ING1: variants seen among roughly 807,000 people sequenced by gnomAD.
The protein encoded by ING1 is inhibitor of growth family member 1, also known as inhibitor of growth protein 1.
Under a neutral mutation model 23.1 loss-of-function variants are expected in ING1, and 4 were observed. The ratio of observed to expected loss-of-function variants is 0.17; its 90% CI spans 0.09 to 0.40. The LOEUF (loss-of-function observed/expected upper bound fraction) is 0.40. ING1 is among the 10% of genes least tolerant of loss of function. The probability of loss-of-function intolerance (pLI) is 1.00; values close to 1 mark genes in which losing one functional copy is unlikely to be tolerated. For missense variants in ING1, 256 were observed against 393.8 expected (o/e 0.65, Z 2.96); for synonymous variants, 179 against 166.4 (o/e 1.08, Z -0.58).
At chr13:110,715,665 G>A in intron 1 of ING1, 2 of 1,610,072 alleles carry the variant, frequency 1.2e-6, no homozygotes, top group Non-Finnish European at 1.7e-6. Flanking sequence ...GCTGGGGCGG[G>A]CCGTGCTCTT....
rs920050308 is a variant in ING1 at position 110,720,305 on chromosome 13, A to AT, written c.*381dup. The AT allele has an allele frequency of 1.2e-5, 2 of 171,036 alleles. No homozygotes were observed. The highest frequency in any genetic ancestry group is 2.0e-4 in the South Asian group (1 of 4,916). The allele number at this position is 171,036 out of a possible 1,614,324, so 10.6% of individuals were successfully genotyped here. On this transcript the variant is annotated 3_prime_UTR_variant, in exon 2 of 2. Transcript: ENST00000333219. Reference sequence around the variant, plus strand: ...AAGTAATATTATTACTTTATGAACAATTTTTTTTAATTGGCCATGTCGCCA... The same window carrying AT: ...AAGTAATATTATTACTTTATGAACAATTTTTTTTTAATTGGCCATGTCGCCA...
At position 110,722,250 on chromosome 13, in the gene ING1, G is replaced by T. The variant is rs2064177027; in HGVS notation, c.*2318G>T. The T allele has an allele frequency of 6.6e-6, 1 of 152,124 alleles. No individual in the cohort carries two copies. Among genetic ancestry groups the T allele is most frequent in the Admixed American group, 6.5e-5 (1 of 15,280 alleles). 9.4% of individuals were successfully genotyped at this position (152,124 alleles called of 1,614,324 possible). ...ACTCCAGAACATTTAAGAGTCTCGG[G>T]TGTTTAAATTTGATGAGATTTACCC... On this transcript the variant is annotated 3_prime_UTR_variant, in exon 2 of 2. Coordinates refer to ENST00000333219, the MANE Select transcript of ING1 (RefSeq NM_198219.3).
chr13:110,712,745 A>T, upstream of ING1: 1 of 700,954 alleles, frequency 1.4e-6, no homozygotes, highest in East Asian at 2.7e-5. Flanking sequence ...GCCTCCGAGA[A>T]CGGTGTCCAT....
At chr13:110,716,186 G>A (rs2064121658) in intron 1 of ING1, among the ~76,000 whole-genome samples, 1 of 152,244 alleles carries the variant, frequency 6.6e-6, no homozygotes, top group African/African-American at 2.4e-5. Context: ...GCGGGGCGGG[G>A]TGCAGGGTTC....
At chr13:110,712,681 C>A (rs1421153325), upstream of ING1, 1 of 662,840 alleles carries the variant, frequency 1.5e-6, no homozygotes, top group Non-Finnish European at 2.8e-6. Flanking sequence ...CCTCAGGACG[C>A]CGGCCGACCG....
chr13:110,714,307 G>C (rs1231601269), intron 1 of ING1, 22 bp downstream of exon 1: 14 of 1,535,926 alleles, frequency 9.1e-6, no homozygotes, highest in Middle Eastern at 1.7e-4. Flanking sequence ...TGATGGATGG[G>C]CGGGGGCGGC....
intron 1 of ING1, among the ~76,000 whole-genome samples, chr13:110,718,470 T>C (rs1459505987): frequency 1.3e-5 from 2 of 152,212 alleles, no homozygotes; most frequent in African/African-American, 4.8e-5. Context: ...TTCTGGATTA[T>C]TGTGGCAGAA....
chr13:110,712,942 T>G (rs900013938), upstream of ING1: 10 of 1,559,200 alleles, frequency 6.4e-6, no homozygotes, highest in Non-Finnish European at 8.7e-6. Context: ...GGGAGCCGCC[T>G]AGGCTGCTGG....
At chr13:110,715,174 G>A in intron 1 of ING1, 1 of 1,200,474 alleles carries the variant, frequency 8.3e-7, no homozygotes, top group Non-Finnish European at 1.0e-6. Flanking sequence ...ACTTTCCTGC[G>A]AGGTCAGTCA....
At chr13:110,715,173 C>T in intron 1 of ING1, 11 of 1,198,146 alleles carry the variant, frequency 9.2e-6, no homozygotes, top group Admixed American at 4.3e-5. Context: ...AACTTTCCTG[C>T]GAGGTCAGTC....
chr13:110,722,247 C>T lies in ING1; in HGVS notation c.*2315C>T, dbSNP rs956960932. The T allele has an allele frequency of 1.3e-5, 2 of 151,852 alleles. No individual in the cohort carries two copies. The highest frequency in any genetic ancestry group is 2.9e-5 in the Non-Finnish European group (2 of 67,990). 9.4% of individuals were successfully genotyped at this position (151,852 alleles called of 1,614,324 possible). On this transcript the variant is annotated 3_prime_UTR_variant, in exon 2 of 2. Coordinates refer to ENST00000333219, the MANE Select transcript of ING1 (RefSeq NM_198219.3). The stretch of plus-strand genomic sequence containing the variant: ...AAAACTCCAGAACATTTAAGAGTCT[C>T]GGGTGTTTAAATTTGATGAGATTTA...
At chr13:110,715,876 A>T (rs1215456900) in intron 1 of ING1, 4 of 1,591,224 alleles carry the variant, frequency 2.5e-6, no homozygotes, top group African/African-American at 1.3e-5. Flanking sequence ...AGTAGCAGTG[A>T]TCCCGGGCCT....
chr13:110,714,935 C>T, intron 1 of ING1: 2 of 965,918 alleles, frequency 2.1e-6, no homozygotes, highest in Non-Finnish European at 2.5e-6. Flanking sequence ...TTGCGGAGGA[C>T]GAGGGCTTTT....
In ING1 at chr13:110,716,022, G is replaced by A. The variant is rs891766583; in HGVS notation, c.136+1737G>A. The stretch of plus-strand genomic sequence containing the variant: ...GGCCGTGGAAACGTGAGTGACTGGG[G>A]CTGCGTCCACGAGGGGGACCCTCGG... On this transcript the variant is annotated intron_variant, in intron 1 of 1. Coordinates refer to ENST00000333219, the MANE Select transcript of ING1 (RefSeq NM_198219.3). 3.4e-6 allele frequency: 5 copies of A among 1,490,864 alleles called. No homozygotes were observed. In the African/African-American group the frequency reaches 7.1e-5, roughly 21 times the overall value. 92.4% of individuals were successfully genotyped at this position (1,490,864 alleles called of 1,614,324 possible).
intron 1 of ING1, among the ~76,000 whole-genome samples, chr13:110,716,361 G>A (rs1594454670): frequency 6.6e-6 from 1 of 152,272 alleles, no homozygotes; most frequent in East Asian, 1.9e-4. Context: ...GGCGCAGCTG[G>A]GAGCGCCGAG....
At chr13:110,715,760 G>T (rs777489518) in intron 1 of ING1, 19 of 1,584,104 alleles carry the variant, frequency 1.2e-5, no homozygotes, top group Admixed American at 1.8e-5. Context: ...CGGGGTGCGG[G>T]GCGAGTCTCC....
chr13:110,715,708 C>G (rs776833528), intron 1 of ING1: 2 of 1,591,568 alleles, frequency 1.3e-6, no homozygotes, highest in Non-Finnish European at 1.7e-6. Context: ...CTCCTCCTGG[C>G]CTCCGCCCTC....
intron 1 of ING1, among the ~76,000 whole-genome samples, chr13:110,716,962 T>C (rs1022097007): frequency 5.9e-5 from 9 of 152,234 alleles, no homozygotes; most frequent in African/African-American, 2.2e-4. Flanking sequence ...ACAGAAATAC[T>C]TCTTGGTAAT....
upstream of ING1, chr13:110,713,477 C>A: frequency 4.0e-6 from 4 of 988,652 alleles, no homozygotes; most frequent in South Asian, 4.5e-5. Flanking sequence ...CACACCCCAG[C>A]GGCCCTGACG....
Sources: gnomAD v4.1 joint callset for allele counts (sites outside exome capture counted in the v4.1 genomes callset) on GRCh38, gnomAD v4.1.1 for gene constraint, MANE v1.5 for transcripts, NCBI Gene and HGNC (gene_info 2026-07-23, HGNC 2026-07-21) for gene names.